Variants in TMEM232 observed in about 807,000 individuals in gnomAD.
TMEM232 encodes transmembrane protein 232.
TMEM232 carries 80 observed loss-of-function variants against 78.8 expected under a neutral mutation model. That is an observed-to-expected ratio of 1.01 (90% CI 0.85 to 1.22). TMEM232 has a LOEUF of 1.22. Ranked by LOEUF, TMEM232 falls within the 50% of genes most tolerant of loss-of-function variation. The probability of loss-of-function intolerance (pLI) is 0.00; values close to 1 mark genes in which losing one functional copy is unlikely to be tolerated. For synonymous variants in TMEM232, 297 were observed against 254.3 expected (o/e 1.17, Z -1.60); for missense variants, 881 against 742.2 (o/e 1.19, Z -2.17).
intron 2 of TMEM232, among the ~76,000 whole-genome samples, chr5:110,665,936 G>A (rs145893386): frequency 6.6e-6 from 1 of 151,538 alleles, no homozygotes; most frequent in Non-Finnish European, 1.5e-5. Context: ...AGGCATACTG[G>A]CATGTGCCCG....
chr5:110,486,826 G>T (rs1487367085), intron 12 of TMEM232, among the ~76,000 whole-genome samples: 2 of 151,674 alleles, frequency 1.3e-5, no homozygotes, highest in East Asian at 3.9e-4. Flanking sequence ...ATGAATTTTA[G>T]AATTTTTTTT....
intron 3 of TMEM232, among the ~76,000 whole-genome samples, chr5:110,396,173 T>C (rs1002256809): frequency 2.6e-5 from 4 of 152,110 alleles, no homozygotes; most frequent in African/African-American, 7.2e-5. Flanking sequence ...AGAGAGAGAA[T>C]GCAGGGGAAA....
chr5:110,395,593 ATTGT>A (rs1755355262), intron 3 of TMEM232, among the ~76,000 whole-genome samples: 1 of 152,040 alleles, frequency 6.6e-6, no homozygotes, highest in Non-Finnish European at 1.5e-5. Context: ...AAATTTTCAG[ATTGT>A]TTGGTGTTTT....
At chr5:110,483,978 T>G (rs776768791) in intron 12 of TMEM232, among the ~76,000 whole-genome samples, 2 of 152,132 alleles carry the variant, frequency 1.3e-5, no homozygotes, top group Non-Finnish European at 2.9e-5. Flanking sequence ...ACTATGCAAC[T>G]ATAATAAGGA....
chr5:110,608,828 T>A (rs1183805840), intron 8 of TMEM232, among the ~76,000 whole-genome samples: 1 of 152,070 alleles, frequency 6.6e-6, no homozygotes, highest in African/African-American at 2.4e-5. Context: ...GAAATTTTCA[T>A]ACAGCACTAG....
chr5:110,442,930 C>T (rs559344578), intron 12 of TMEM232, among the ~76,000 whole-genome samples: 3 of 152,182 alleles, frequency 2.0e-5, no homozygotes, highest in Admixed American at 6.5e-5. Flanking sequence ...TTCTTCCCAA[C>T]AAATGGAGGC....
rs532331682 is a variant in TMEM232, at chr5:110,581,049, T to A, written c.1277-12424A>T. On this transcript the variant is annotated intron_variant, in intron 10 of 13. Coordinates refer to ENST00000455884, the MANE Select transcript of TMEM232 (RefSeq NM_001039763.4). ...CAAATGGAAAAACATTCTATGCTCA[T>A]GGACAGAATAATTAATATCATAAAA... Among the ~76,000 whole-genome samples the A allele has an allele frequency of 5.3e-5, 8 of 151,956 alleles. No homozygotes were observed. In the South Asian group the frequency reaches 1.7e-3, roughly 31 times the overall value.
intron 10 of TMEM232, among the ~76,000 whole-genome samples, chr5:110,584,426 C>G (rs1379730607): frequency 6.6e-6 from 1 of 152,024 alleles, no homozygotes; most frequent in Non-Finnish European, 1.5e-5. Flanking sequence ...CATGATTCCA[C>G]TAAATGAGGT....
chr5:110,623,540 C>T (rs528105883), intron 7 of TMEM232, among the ~76,000 whole-genome samples: 120 of 151,794 alleles, frequency 7.9e-4, no homozygotes, highest in Non-Finnish European at 1.5e-3. Flanking sequence ...GTCTTTTTTC[C>T]TCTTTCCTTT....
intron 2 of TMEM232, among the ~76,000 whole-genome samples, chr5:110,650,061 T>G (rs533153162): frequency 2.1e-4 from 32 of 152,252 alleles, no homozygotes; most frequent in African/African-American, 7.5e-4. Flanking sequence ...GCTAAATATT[T>G]AATTAATGGT....
At chr5:110,700,322 C>G (rs1795285640) in intron 1 of TMEM232, among the ~76,000 whole-genome samples, 1 of 152,002 alleles carries the variant, frequency 6.6e-6, no homozygotes, top group Non-Finnish European at 1.5e-5. Context: ...TTAAATTCAA[C>G]CTTTCTTAAC....
At chr5:110,551,246 C>T (rs1774420513) in intron 11 of TMEM232, among the ~76,000 whole-genome samples, 1 of 152,066 alleles carries the variant, frequency 6.6e-6, no homozygotes, top group Non-Finnish European at 1.5e-5. Flanking sequence ...TGTTTTGAGA[C>T]AGTGTCTCAC....
chr5:110,702,925 T>C (rs1388471246), intron 1 of TMEM232, among the ~76,000 whole-genome samples: 2 of 152,060 alleles, frequency 1.3e-5, no homozygotes, highest in Non-Finnish European at 2.9e-5. Flanking sequence ...TGGAATGTTA[T>C]GAAAGCAAAA....
At chr5:110,635,807 G>T (rs1192022071) in intron 5 of TMEM232, among the ~76,000 whole-genome samples, 2 of 151,988 alleles carry the variant, frequency 1.3e-5, no homozygotes, top group African/African-American at 4.8e-5. Context: ...TATGCTATTG[G>T]TGGAAGTGTA....
chr5:110,579,860 G>C (rs1777980903), intron 10 of TMEM232, among the ~76,000 whole-genome samples: 1 of 151,386 alleles, frequency 6.6e-6, no homozygotes, highest in Non-Finnish European at 1.5e-5. Context: ...CCAATCAAAA[G>C]ACATAAAGTG....
chr5:110,461,964 CA>C (rs1215536437), intron 12 of TMEM232, among the ~76,000 whole-genome samples: 1 of 152,118 alleles, frequency 6.6e-6, no homozygotes, highest in Non-Finnish European at 1.5e-5. Context: ...TGGAGATGTA[CA>C]AGGAGATTAA....
In TMEM232 at chr5:110,618,533, C is replaced by A. The variant is rs1227217220; in HGVS notation, c.798G>T (p.Trp266Cys). Residue 266 changes from tryptophan to cysteine, a missense_variant, in exon 8 of 14, where the codon TGG (tryptophan) becomes TGT (cysteine). Trp to Cys is a radical substitution (Grantham distance 215). Coordinates refer to ENST00000455884, the MANE Select transcript of TMEM232 (RefSeq NM_001039763.4). Reference protein sequence around the residue: ...MGGYEINHLLWHCVAAWSCVQ... With the variant: ...MGGYEINHLLCHCVAAWSCVQ... ...CACAAGACCAAGCAGCAACACAGTGCCAGAGCAGGTGGTTAATTTCATATC... is the reference window on the plus strand; with the variant it reads ...CACAAGACCAAGCAGCAACACAGTGACAGAGCAGGTGGTTAATTTCATATC... 1.3e-6 allele frequency: 2 copies of A among 1,550,256 alleles called. No individual in the cohort carries two copies. The highest frequency in any genetic ancestry group is 1.7e-4 in the Middle Eastern group (1 of 5,986).
chr5:110,492,736 A>G (rs886352545), intron 12 of TMEM232, among the ~76,000 whole-genome samples: 1 of 152,034 alleles, frequency 6.6e-6, no homozygotes. Context: ...AAATTTCACT[A>G]AGAACCAATA....
At chr5:110,608,065 A>G (rs1310215596) in intron 8 of TMEM232, among the ~76,000 whole-genome samples, 1 of 151,942 alleles carries the variant, frequency 6.6e-6, no homozygotes, top group Non-Finnish European at 1.5e-5. Context: ...TAATTGATGC[A>G]CTTAACATGA....
Sources: allele counts gnomAD v4.1 joint callset (sites outside exome capture counted in the v4.1 genomes callset), GRCh38; gene constraint gnomAD v4.1.1; transcripts MANE v1.5; gene names NCBI Gene and HGNC (gene_info 2026-07-23, HGNC 2026-07-21).